The following ATAD2B variants were observed in gnomAD, a reference collection of about 807,000 sequenced individuals.
ATAD2B encodes the protein ATPase family AAA domain containing 2B, also known as ATPase family AAA domain-containing protein 2B.
In ATAD2B, 40 loss-of-function variants were observed where a neutral mutation model predicts 167.6. The ratio of observed to expected loss-of-function variants is 0.24; its 90% CI spans 0.19 to 0.31. The LOEUF is 0.31. Among genes scored for constraint, ATAD2B ranks in the 10% least tolerant of loss-of-function variants. The probability of loss-of-function intolerance (pLI) is 1.00; values close to 1 mark genes in which losing one functional copy is unlikely to be tolerated. For synonymous variants in ATAD2B, 579 were observed against 596.5 expected, an observed-to-expected ratio of 0.97 and a Z score of 0.43; for missense variants, 1,242 against 1,757.2, an observed-to-expected ratio of 0.71 and a Z score of 5.24.
intron 7 of ATAD2B, among the ~76,000 whole-genome samples, chr2:23,877,899 A>T (rs568220855): frequency 2.5e-4 from 37 of 150,302 alleles, no homozygotes; most frequent in African/African-American, 8.8e-4. Context: ...TTACAAAAAA[A>T]TTTTTTTTTA....
intron 19 of ATAD2B, among the ~76,000 whole-genome samples, chr2:23,791,148 T>C (rs116029009): frequency 0.029 from 4,493 of 152,348 alleles, 90 homozygotes; most frequent in South Asian, 0.074. Flanking sequence ...TATTGCTGAA[T>C]AGTATTTCAT....
At chr2:23,771,073 T>C (rs888338870) in intron 22 of ATAD2B, among the ~76,000 whole-genome samples, 1 of 152,244 alleles carries the variant, frequency 6.6e-6, no homozygotes, top group Non-Finnish European at 1.5e-5. Context: ...CTATATTTCA[T>C]GTTATTTTTT....
At chr2:23,856,629 G>A (rs542020255) in intron 13 of ATAD2B, among the ~76,000 whole-genome samples, 12 of 151,912 alleles carry the variant, frequency 7.9e-5, no homozygotes, top group Non-Finnish European at 1.5e-4. Context: ...GGGAGGCGGA[G>A]GCAGGCAGAT....
chr2:23,698,432 T>C, the ATAD2B span, among the ~76,000 whole-genome samples: 22,555 of 152,108 alleles, frequency 0.15, 2,115 homozygotes, highest in Non-Finnish European at 0.2. Context: ...TGGCACACAG[T>C]GGCAATGATG....
chr2:23,715,558 A>C, the ATAD2B span, among the ~76,000 whole-genome samples: 1 of 151,990 alleles, frequency 6.6e-6, no homozygotes, highest in African/African-American at 2.4e-5. Context: ...TGGGCAACAG[A>C]GCAAGACTCT....
At chr2:23,696,526 C>G in the ATAD2B span, 6 of 1,509,234 alleles carry the variant, frequency 4.0e-6, no homozygotes, top group Non-Finnish European at 5.3e-6. This position sits in a 1 kb window ranked among gnomAD's most constrained non-coding sequence, Gnocchi z 5.5. Flanking sequence ...AATGAGGCCA[C>G]GGTCAGGACA....
intron 9 of ATAD2B, among the ~76,000 whole-genome samples, chr2:23,868,444 G>A (rs1225360997): frequency 6.6e-6 from 1 of 152,064 alleles, no homozygotes; most frequent in Non-Finnish European, 1.5e-5. Context: ...GGAACTACAG[G>A]CAGGCAACAC....
chr2:23,863,671 C>T (rs1694749713), intron 11 of ATAD2B, 116 bp from the exon 12 acceptor site: 2 of 978,986 alleles, frequency 2.0e-6, no homozygotes, highest in East Asian at 2.7e-5. Flanking sequence ...AATTATTAGA[C>T]ATTGATAAAG....
intron 22 of ATAD2B, among the ~76,000 whole-genome samples, chr2:23,772,689 T>A (rs1456257925): frequency 6.6e-6 from 1 of 152,006 alleles, no homozygotes; most frequent in Admixed American, 6.6e-5. Context: ...AAGGAATATA[T>A]TCTTTTAAAA....
rs113771413 is a variant in ATAD2B, at chr2:23,767,249, C to T, written c.3134-1621G>A. On this transcript the variant is annotated intron_variant, in intron 22 of 27. Coordinates refer to ENST00000238789, the MANE Select transcript of ATAD2B (RefSeq NM_017552.4). ...GTCATAACCATTTTTCCCGCCAAAACACTTACCTCGTCATTCTCTTTAAAT... is the reference window on the plus strand; with the variant it reads ...GTCATAACCATTTTTCCCGCCAAAATACTTACCTCGTCATTCTCTTTAAAT... Among the ~76,000 whole-genome samples the T allele has an allele frequency of 4.3e-3, 657 of 152,250 alleles. 8 individuals carry two copies. Among genetic ancestry groups the T allele is most frequent in the African/African-American group, 0.015 (610 of 41,540 alleles).
Position 23,757,581 on chromosome 2 carries a change from T to C in ATAD2B, c.3915A>G (p.Glu1305=), listed in dbSNP as rs754553755. The part of the protein sequence containing the change: ...FCDSGDKCSS[E]QKILLEDQSK... ...ACTGGTCCTCCAGAAGAATCTTTTG[T>C]TCAGAACTACATTTATCTCCACTAT... The change falls in exon 25 of 28, where the codon GAA becomes GAG. Residue 1305 remains glutamate, a synonymous_variant. Coordinates refer to ENST00000238789, the MANE Select transcript of ATAD2B (RefSeq NM_017552.4). 3 of 1,611,616 alleles carry C rather than the reference T, an allele frequency of 1.9e-6. No individual in the cohort carries two copies. The South Asian group carries it at 3.3e-5, about 18-fold the overall frequency.
chr2:23,746,437 C>T (rs921528376), downstream of ATAD2B, among the ~76,000 whole-genome samples: 1 of 152,126 alleles, frequency 6.6e-6, no homozygotes, highest in African/African-American at 2.4e-5. Flanking sequence ...ACCTAGTAAA[C>T]GTGATATAAG....
At chr2:23,731,068 GA>G in the ATAD2B span, among the ~76,000 whole-genome samples, 36 of 151,620 alleles carry the variant, frequency 2.4e-4, no homozygotes, top group Non-Finnish European at 4.1e-4. Context: ...AAAAGACTCT[GA>G]CAGGACAAAA....
At chr2:23,691,098 C>T in the ATAD2B span, 2 of 155,910 alleles carry the variant, frequency 1.3e-5, no homozygotes, top group Non-Finnish European at 2.8e-5. Context: ...AAAGCAATGT[C>T]ACGAAGGGCT....
chr2:23,706,886 G>C, the ATAD2B span: 2 of 466,956 alleles, frequency 4.3e-6, no homozygotes, highest in Non-Finnish European at 7.5e-6. Flanking sequence ...CCACGATCCC[G>C]CCATGGGGCT....
At chr2:23,894,275 A>T (rs1699911616) in intron 2 of ATAD2B, among the ~76,000 whole-genome samples, 2 of 152,146 alleles carry the variant, frequency 1.3e-5, no homozygotes, top group African/African-American at 4.8e-5. Flanking sequence ...TGAGGTCCAG[A>T]GTTCAAGACC....
chr2:23,702,861 G>A, the ATAD2B span, among the ~76,000 whole-genome samples: 11 of 150,036 alleles, frequency 7.3e-5, no homozygotes, highest in South Asian at 2.2e-4. Flanking sequence ...CCAGCATTGC[G>A]GAATGCAAGG....
rs201182333 is a variant in ATAD2B at position 23,762,169 on chromosome 2, G to T, written c.3394+40C>A. On this transcript the variant is annotated intron_variant, in intron 24 of 27. Transcript: ENST00000238789. ...TCCTAACATATCTACATCATTCTCAGTTGTTCTCACTACTGGATAACATGA... is the reference window on the plus strand; with the variant it reads ...TCCTAACATATCTACATCATTCTCATTTGTTCTCACTACTGGATAACATGA... The T allele has an allele frequency of 6.2e-6, 10 of 1,600,918 alleles. No homozygotes were observed. The Admixed American group carries it at 6.8e-5, about 11-fold the overall frequency.
the ATAD2B span, chr2:23,693,379 G>A: frequency 3.2e-6 from 5 of 1,551,728 alleles, no homozygotes; most frequent in Middle Eastern, 1.7e-4. Flanking sequence ...GATCTTCCCC[G>A]AGGTGGCCGC....
Sources: allele counts gnomAD v4.1 joint callset (sites outside exome capture counted in the v4.1 genomes callset), GRCh38; gene constraint gnomAD v4.1.1; non-coding constraint Gnocchi (gnomAD v3.1); transcripts MANE v1.5; gene names NCBI Gene and HGNC (gene_info 2026-07-23, HGNC 2026-07-21).